Variants in OTUD7A observed in about 807,000 individuals in gnomAD.
The protein encoded by OTUD7A is OTU deubiquitinase 7A.
OTUD7A carries 12 observed loss-of-function variants against 65.7 expected under a neutral mutation model. That is an observed-to-expected ratio of 0.18 (90% CI 0.12 to 0.30). The LOEUF (loss-of-function observed/expected upper bound fraction) is 0.30. OTUD7A is among the 10% of genes least tolerant of loss of function. OTUD7A has a pLI of 1.00. For synonymous variants in OTUD7A, 641 were observed against 586.3 expected (o/e 1.09, Z -1.35); for missense variants, 1,148 against 1,304.8 (o/e 0.88, Z 1.85).
intron 1 of OTUD7A, among the ~76,000 whole-genome samples, chr15:31,714,397 CAGG>C (rs1160293747): frequency 6.6e-6 from 1 of 151,960 alleles, no homozygotes; most frequent in African/African-American, 2.4e-5. Flanking sequence ...GGTGAGAGGT[CAGG>C]AGAATGGAAA....
chr15:31,769,066 T>C (rs1895163677), intron 1 of OTUD7A, among the ~76,000 whole-genome samples: 1 of 152,198 alleles, frequency 6.6e-6, no homozygotes, highest in African/African-American at 2.4e-5. Context: ...TAGACATCGA[T>C]TATTGGAATG....
chr15:31,817,191 T>C (rs207475378), intron 1 of OTUD7A, among the ~76,000 whole-genome samples: 2 of 151,974 alleles, frequency 1.3e-5, no homozygotes, highest in African/African-American at 4.8e-5. Context: ...GTGGCTCCCA[T>C]TGCTGTCCAT....
At chr15:31,626,904 T>G (rs1890972190) in intron 3 of OTUD7A, among the ~76,000 whole-genome samples, 1 of 141,616 alleles carries the variant, frequency 7.1e-6, no homozygotes, top group African/African-American at 2.8e-5. Context: ...GTTTTGTTTT[T>G]TTGTTTTTAT....
chr15:31,701,235 G>A (rs1282958407), intron 1 of OTUD7A, among the ~76,000 whole-genome samples: 1 of 151,036 alleles, frequency 6.6e-6, no homozygotes, highest in African/African-American at 2.4e-5. Flanking sequence ...TAATGATGTT[G>A]GTAGAATAGT....
At chr15:31,505,940 G>A (rs2041556171) in intron 8 of OTUD7A, among the ~76,000 whole-genome samples, 1 of 151,864 alleles carries the variant, frequency 6.6e-6, no homozygotes, top group Admixed American at 6.6e-5. Context: ...TAGTAGAGAC[G>A]TGTTAGCCAG....
intron 1 of OTUD7A, chr15:31,766,978 T>C: frequency 6.2e-7 from 1 of 1,611,908 alleles, no homozygotes; most frequent in African/African-American, 1.3e-5. Flanking sequence ...CCCTATTAAA[T>C]TATGACAACT....
chr15:31,811,637 A>G (rs1439731829), intron 1 of OTUD7A, among the ~76,000 whole-genome samples: 1 of 151,714 alleles, frequency 6.6e-6, no homozygotes, highest in Non-Finnish European at 1.5e-5. Flanking sequence ...TCTCCACCGC[A>G]CTCCCGGGGC....
chr15:31,760,523 A>T (rs1408317019), intron 1 of OTUD7A, among the ~76,000 whole-genome samples: 1 of 152,232 alleles, frequency 6.6e-6, no homozygotes, highest in Non-Finnish European at 1.5e-5. Context: ...TTTGTATTGA[A>T]CACATTGAAG....
At chr15:31,510,291 GCT>G (rs1435522826) in intron 8 of OTUD7A, among the ~76,000 whole-genome samples, 2 of 151,546 alleles carry the variant, frequency 1.3e-5, no homozygotes, top group South Asian at 2.1e-4. Context: ...GACAGTCCCC[GCT>G]CTCTTTTTCA....
At chr15:31,720,320 T>C (rs931851176) in intron 1 of OTUD7A, among the ~76,000 whole-genome samples, 3 of 151,870 alleles carry the variant, frequency 2.0e-5, no homozygotes, top group Non-Finnish European at 4.4e-5. Context: ...TATACAATGG[T>C]GGTCCTATCA....
intron 1 of OTUD7A, among the ~76,000 whole-genome samples, chr15:31,798,378 C>T (rs577614966): frequency 5.9e-5 from 9 of 152,236 alleles, no homozygotes; most frequent in Non-Finnish European, 8.8e-5. Flanking sequence ...GGTGTGCTCC[C>T]GATGCCCCCT....
At chr15:31,566,059 GCGGGTGCCTGTGTCC>G (rs1286712227) in intron 4 of OTUD7A, among the ~76,000 whole-genome samples, 2 of 152,050 alleles carry the variant, frequency 1.3e-5, no homozygotes, top group Non-Finnish European at 2.9e-5. Context: ...AGGCGTGGTG[GCGGGTGCCTGTGTCC>G]CAGTTACTCG....
chr15:31,562,029 T>G (rs1304286445), intron 4 of OTUD7A, among the ~76,000 whole-genome samples: 2 of 152,238 alleles, frequency 1.3e-5, no homozygotes, highest in Non-Finnish European at 1.5e-5. Context: ...CTTTTATTTT[T>G]AATTTTTACA....
At position 31,479,400 on chromosome 15, in the gene OTUD7A, G is replaced by C. The variant is rs567470690; in HGVS notation, c.*3894C>G. On this transcript the variant is annotated 3_prime_UTR_variant, in exon 13 of 13. Transcript: ENST00000307050. Reference sequence around the variant, plus strand: ...ATTTTAAAGTCCACACCAAGATGAGGAGAAAAAAAATCATGGCCATAAAGA... The same window carrying C: ...ATTTTAAAGTCCACACCAAGATGAGCAGAAAAAAAATCATGGCCATAAAGA... 6.6e-6 allele frequency: 1 copy of C among 151,970 alleles called. No homozygotes were observed. Among genetic ancestry groups the C allele is most frequent in the African/African-American group, 2.4e-5 (1 of 41,388 alleles). 9.4% of individuals were successfully genotyped at this position (151,970 alleles called of 1,614,324 possible).
At chr15:31,493,100 G>C (rs145944696) in intron 10 of OTUD7A, among the ~76,000 whole-genome samples, 5,330 of 151,842 alleles carry the variant, frequency 0.035, 299 homozygotes, top group African/African-American at 0.12. Flanking sequence ...TAGCTACTCG[G>C]GAGGCTGAGG....
chr15:31,753,711 T>TAATATATAACCTGTG (rs1894719509), intron 1 of OTUD7A, among the ~76,000 whole-genome samples: 7 of 116,502 alleles, frequency 6.0e-5, no homozygotes, highest in African/African-American at 2.6e-4. Flanking sequence ...ATTATATATA[T>TAATATATAACCTGTG]ATATATATAT....
intron 1 of OTUD7A, among the ~76,000 whole-genome samples, chr15:31,859,751 T>C (rs1897672379): frequency 6.6e-6 from 1 of 152,172 alleles, no homozygotes; most frequent in Admixed American, 6.5e-5. Context: ...GTTGCTGATA[T>C]CAGAACCTCT....
intron 1 of OTUD7A, chr15:31,767,998 T>C: frequency 3.8e-6 from 6 of 1,591,144 alleles, no homozygotes; most frequent in Non-Finnish European, 5.2e-6. Context: ...GTTGTTGCCT[T>C]GTAACTTCAG....
At chr15:31,753,720 ATTATATATATATATATATATC>A (rs1894724186) in intron 1 of OTUD7A, among the ~76,000 whole-genome samples, 1 of 69,472 alleles carries the variant, frequency 1.4e-5, no homozygotes, top group Non-Finnish European at 2.9e-5. Context: ...ATATATATAT[ATTATATATATATATATATATC>A]TCACAGTTTC....
Sources: gnomAD v4.1 joint callset for allele counts (sites outside exome capture counted in the v4.1 genomes callset) on GRCh38, gnomAD v4.1.1 for gene constraint, MANE v1.5 for transcripts, NCBI Gene and HGNC (gene_info 2026-07-23, HGNC 2026-07-21) for gene names.